The following WNT7A variants were observed in gnomAD, a reference collection of about 807,000 sequenced individuals.
WNT7A encodes Wnt family member 7A.
WNT7A carries 16 observed loss-of-function variants against 28.2 expected under a neutral mutation model. The ratio of observed to expected loss-of-function variants is 0.57; its 90% confidence interval spans 0.38 to 0.86. The LOEUF is 0.86. Ranked by LOEUF, WNT7A falls within the 40% of genes least tolerant of loss-of-function variation. WNT7A has a pLI of 0.00. For synonymous variants in WNT7A, 190 were observed against 195.9 expected (o/e 0.97, Z 0.25); for missense variants, 411 against 489.7 (o/e 0.84, Z 1.52).
rs189655076 is a variant in WNT7A at position 13,845,768 on chromosome 3, C to T, written c.570+8764G>A. On this transcript the variant is annotated intron_variant, in intron 3 of 3. Transcript: ENST00000285018. ...GCTCTGGTGGCTGTTTGTGACATGG[C>T]CTAGGATGTGTGCCACTTTATGTCA... 4.1e-3 allele frequency among the ~76,000 whole-genome samples: 632 copies of T among 152,346 alleles called. 2 individuals are homozygous for T. The highest frequency in any genetic ancestry group is 6.6e-3 in the Non-Finnish European group (452 of 68,028).
chr3:13,874,512 A>G (rs1321822375), intron 2 of WNT7A, among the ~76,000 whole-genome samples: 1 of 152,178 alleles, frequency 6.6e-6, no homozygotes, highest in Non-Finnish European at 1.5e-5. Flanking sequence ...TGGGTTGCCC[A>G]TTCACTGCTG....
At chr3:13,856,076 T>C (rs1447230215) in intron 2 of WNT7A, among the ~76,000 whole-genome samples, 1 of 141,544 alleles carries the variant, frequency 7.1e-6, no homozygotes, top group African/African-American at 2.6e-5. Flanking sequence ...ATCGCTGCCC[T>C]CCCACCCTGC....
At chr3:13,869,602 G>A (rs1488926066) in intron 2 of WNT7A, among the ~76,000 whole-genome samples, 1 of 136,362 alleles carries the variant, frequency 7.3e-6, no homozygotes, top group Admixed American at 8.0e-5. Context: ...AAGGAGGGGA[G>A]GAAGAAAGAG....
intron 2 of WNT7A, among the ~76,000 whole-genome samples, chr3:13,868,637 AGAGG>A (rs1559307050): frequency 8.3e-4 from 13 of 15,662 alleles, no homozygotes; most frequent in Admixed American, 1.2e-3. Flanking sequence ...AAAGAAAGAG[AGAGG>A]AGAAAGAAAA....
At chr3:13,841,185 G>C (rs1192396398) in intron 3 of WNT7A, among the ~76,000 whole-genome samples, 1 of 152,174 alleles carries the variant, frequency 6.6e-6, no homozygotes, top group Admixed American at 6.5e-5. Flanking sequence ...GTCAGTGAAT[G>C]GTTGCTGAAT....
rs1446717501 is a variant in WNT7A, at chr3:13,818,730, G to A, written c.*214C>T. 2.9e-6 allele frequency: 2 copies of A among 681,226 alleles called. No homozygotes were observed. Among genetic ancestry groups the A allele is most frequent in the Non-Finnish European group, 4.5e-6 (2 of 443,570 alleles). 42.2% of individuals were successfully genotyped at this position (681,226 alleles called of 1,614,324 possible). A position where few individuals can be genotyped will look rare whatever the true frequency, so the allele number is the denominator to read the frequency against. On this transcript the variant is annotated 3_prime_UTR_variant, in exon 4 of 4. Coordinates refer to ENST00000285018, the MANE Select transcript of WNT7A (RefSeq NM_004625.4). The stretch of plus-strand genomic sequence containing the variant: ...CGCGGAGGGACCTGGGCTGTGTCTG[G>A]GGGAGGGTGGAGCAGCATTGGGTGT...
intron 3 of WNT7A, among the ~76,000 whole-genome samples, chr3:13,851,844 C>T (rs1029751349): frequency 2.6e-5 from 4 of 152,230 alleles, no homozygotes; most frequent in African/African-American, 9.6e-5. Context: ...GGACCCCCGA[C>T]CTGAGCGGCC....
At chr3:13,840,910 G>C (rs1283120445) in intron 3 of WNT7A, among the ~76,000 whole-genome samples, 1 of 152,016 alleles carries the variant, frequency 6.6e-6, no homozygotes, top group Non-Finnish European at 1.5e-5. Flanking sequence ...CTATCCTGGG[G>C]TCCCATAGTC....
intron 2 of WNT7A, 71 bp from the exon 3 acceptor site, chr3:13,854,874 C>CCA: frequency 6.3e-7 from 1 of 1,595,644 alleles, no homozygotes. Flanking sequence ...CTGGGCCTGA[C>CCA]TGAAGAGTGA....
intron 3 of WNT7A, among the ~76,000 whole-genome samples, chr3:13,845,502 A>T (rs1006531464): frequency 2.0e-5 from 3 of 152,218 alleles, no homozygotes; most frequent in Admixed American, 1.3e-4. Context: ...AGCAGTTTAA[A>T]TTCTTTTAAT....
chr3:13,819,246 T>C lies in WNT7A; in HGVS notation c.748A>G (p.Thr250Ala). 6.2e-7 allele frequency: 1 copy of C among 1,614,230 alleles called. No individual in the cohort carries two copies. The highest frequency in any genetic ancestry group is 8.5e-7 in the Non-Finnish European group (1 of 1,180,042). Reference sequence around the variant, plus strand: ...AGTGGCTTCTTGATCTTCAGGAAGGTGGGCCGCTTGTTGCGGCTGGCACGC... The same window carrying C: ...AGTGGCTTCTTGATCTTCAGGAAGGCGGGCCGCTTGTTGCGGCTGGCACGC... ...PVRASRNKRP[T>A]FLKIKKPLSY... Residue 250 changes from threonine (T) to alanine (A), a missense_variant, in exon 4 of 4, where the codon ACC becomes GCC. Coordinates refer to ENST00000285018, the MANE Select transcript of WNT7A (RefSeq NM_004625.4).
rs773811882 is a variant in WNT7A at position 13,818,920 on chromosome 3, G to C, written c.*24C>G. 6 of 1,549,142 alleles carry C rather than the reference G, an allele frequency of 3.9e-6. No individual in the cohort carries two copies. Among genetic ancestry groups the C allele is most frequent in the South Asian group, 2.5e-5 (2 of 80,506 alleles). ...TCCTCCCAGCAATCTGACTTGCAGC[G>C]GGAGGGTGGTGTGCACACGGGGCTC... is the stretch of plus-strand genomic sequence containing the variant. On this transcript the variant is annotated 3_prime_UTR_variant, in exon 4 of 4. Coordinates refer to ENST00000285018, the MANE Select transcript of WNT7A (RefSeq NM_004625.4).
chr3:13,831,711 CT>C (rs779982060), intron 3 of WNT7A, among the ~76,000 whole-genome samples: 22 of 152,098 alleles, frequency 1.4e-4, no homozygotes, highest in Admixed American at 5.2e-4. Context: ...CAGCCAAAGA[CT>C]GGTTGGTGCT....
At chr3:13,820,663 G>A (rs566465267) in intron 3 of WNT7A, among the ~76,000 whole-genome samples, 69 of 152,274 alleles carry the variant, frequency 4.5e-4, no homozygotes, top group African/African-American at 1.4e-3. Context: ...CTGGCCCTGG[G>A]CCCGTTCAAG....
chr3:13,849,124 C>T (rs1694588744), intron 3 of WNT7A, among the ~76,000 whole-genome samples: 1 of 152,160 alleles, frequency 6.6e-6, no homozygotes, highest in African/African-American at 2.4e-5. Context: ...CAAGGGCAAC[C>T]TGGGGACCAT....
chr3:13,866,890 C>G (rs1480070263), intron 2 of WNT7A, among the ~76,000 whole-genome samples: 1 of 152,054 alleles, frequency 6.6e-6, no homozygotes, highest in Non-Finnish European at 1.5e-5. Flanking sequence ...ATGTCATTGT[C>G]CAGGCAACAA....
chr3:13,863,013 G>C (rs1394853369), intron 2 of WNT7A, among the ~76,000 whole-genome samples: 1 of 152,146 alleles, frequency 6.6e-6, no homozygotes, highest in South Asian at 2.1e-4. Flanking sequence ...CCTTGAATGA[G>C]CTAACTCACC....
In WNT7A at chr3:13,818,404, T is replaced by A. The variant is rs1042132649; in HGVS notation, c.*540A>T. 6.9e-6 allele frequency: 1 copy of A among 144,778 alleles called. No homozygotes were observed. Among genetic ancestry groups the A allele is most frequent in the African/African-American group, 2.6e-5 (1 of 38,258 alleles). The allele number at this position is 144,778 out of a possible 1,614,324, so 9.0% of individuals were successfully genotyped here. A position where few individuals can be genotyped will look rare whatever the true frequency, so the allele number is the denominator to read the frequency against. The stretch of plus-strand genomic sequence containing the variant: ...TATATCTATATATGCATAAAAGATG[T>A]CTCCTCTTGTACTTAAACATCTAGT... On this transcript the variant is annotated 3_prime_UTR_variant, in exon 4 of 4. Coordinates refer to ENST00000285018, the MANE Select transcript of WNT7A (RefSeq NM_004625.4).
In WNT7A at chr3:13,856,908, G is replaced by GAAGAAGAAA. The variant is rs1559303229; in HGVS notation, c.299-2106_299-2105insTTTCTTCTT. ...AGAAGAAGAAAAAGAAGAAGAAGAA[G>GAAGAAGAAA]AAGAAGAAGAAGAAGAAGAAGAAGA... On this transcript the variant is annotated intron_variant, in intron 2 of 3. Transcript: ENST00000285018. Among the ~76,000 whole-genome samples, 19 of 74,516 alleles carry GAAGAAGAAA rather than the reference G, an allele frequency of 2.5e-4. 1 individual carries two copies. The highest frequency in any genetic ancestry group is 1.6e-3 in the South Asian group (3 of 1,868). The allele number at this position is 74,516 out of a possible 152,430, so 48.9% of individuals were successfully genotyped here. A position where few individuals can be genotyped will look rare whatever the true frequency, so the allele number is the denominator to read the frequency against.
Sources: gnomAD v4.1 joint callset for allele counts (sites outside exome capture counted in the v4.1 genomes callset) on GRCh38, gnomAD v4.1.1 for gene constraint, MANE v1.5 for transcripts, NCBI Gene and HGNC (gene_info 2026-07-23, HGNC 2026-07-21) for gene names.